GRM4: variants seen among roughly 807,000 people sequenced by gnomAD.
GRM4 encodes glutamate metabotropic receptor 4.
In GRM4, 28 loss-of-function variants were observed where a neutral mutation model predicts 81.7. The ratio of observed to expected loss-of-function variants is 0.34; its 90% CI spans 0.25 to 0.47. The LOEUF is 0.47. GRM4 is among the 20% of genes least tolerant of loss of function. The pLI is 1.00. For missense variants in GRM4, 948 were observed against 1,290.0 expected, an observed-to-expected ratio of 0.73 and a Z score of 4.06; for synonymous variants, 488 against 528.8, an observed-to-expected ratio of 0.92 and a Z score of 1.06.
chr6:34,144,602 G>A (rs1025013140), intron 1 of GRM4, among the ~76,000 whole-genome samples: 7 of 152,146 alleles, frequency 4.6e-5, no homozygotes, highest in Non-Finnish European at 1.0e-4. Context: ...GGGCGGGCAC[G>A]GGAGCTGGAC....
At position 34,078,580 on chromosome 6, in the gene GRM4, A is replaced by G. The variant is rs1298934979; in HGVS notation, c.736+13303T>C. On this transcript the variant is annotated intron_variant, in intron 3 of 10. Transcript: ENST00000538487. The surrounding 1 kb of genome is among the most constrained non-coding windows in gnomAD (Gnocchi z 4.8). ...CCTGACAAGTGGCCTCTGCTCTCTC[A>G]GCCTGTTTCCTACCTGTGAAATGGG... is the stretch of plus-strand genomic sequence containing the variant. Among the ~76,000 whole-genome samples, 1 of 151,978 alleles carries G rather than the reference A, an allele frequency of 6.6e-6. No individual in the cohort carries two copies. The highest frequency in any genetic ancestry group is 1.9e-4 in the East Asian group (1 of 5,172).
At chr6:34,055,833 T>C (rs1377719020) in intron 6 of GRM4, 2 of 152,262 alleles carry the variant, frequency 1.3e-5, no homozygotes, top group African/African-American at 4.8e-5. Flanking sequence ...TTCTCCCATC[T>C]GTAAAATGGC....
At chr6:34,082,839 A>C (rs1244074549) in intron 3 of GRM4, among the ~76,000 whole-genome samples, 1 of 152,234 alleles carries the variant, frequency 6.6e-6, no homozygotes, top group Non-Finnish European at 1.5e-5. Context: ...TGTTCAGGGC[A>C]GCACAACTCA....
chr6:34,075,190 A>T (rs1383730531), intron 3 of GRM4, among the ~76,000 whole-genome samples: 1 of 152,018 alleles, frequency 6.6e-6, no homozygotes, highest in Admixed American at 6.6e-5. Flanking sequence ...CAAGGCCGGG[A>T]CACTGTGGAG....
At chr6:34,145,094 C>A (rs1451506184) in intron 1 of GRM4, among the ~76,000 whole-genome samples, 2 of 152,082 alleles carry the variant, frequency 1.3e-5, no homozygotes, top group Non-Finnish European at 2.9e-5. Context: ...TCACCGCGCG[C>A]CAGCAAGGTT....
chr6:34,093,605 G>T (rs1768356250), intron 2 of GRM4, among the ~76,000 whole-genome samples: 1 of 152,146 alleles, frequency 6.6e-6, no homozygotes, highest in African/African-American at 2.4e-5. Flanking sequence ...CCTAGCAAGG[G>T]GTCTGTGTGG....
intron 6 of GRM4, among the ~76,000 whole-genome samples, chr6:34,046,752 A>G (rs887487534): frequency 5.9e-5 from 9 of 152,180 alleles, no homozygotes; most frequent in Non-Finnish European, 1.3e-4. Context: ...GCAGTCAAGC[A>G]TCGATCCATG....
At position 34,070,301 on chromosome 6, in the gene GRM4, G is replaced by A. The variant is rs1007536530; in HGVS notation, c.737-8273C>T. ...GGTGGGTACCCACGTGCACCTGGACGTCTCCCTCCGTCCTGCCTTCTGCTG... is the reference window on the plus strand; with the variant it reads ...GGTGGGTACCCACGTGCACCTGGACATCTCCCTCCGTCCTGCCTTCTGCTG... On this transcript the variant is annotated intron_variant, in intron 3 of 10. Coordinates refer to ENST00000538487, the MANE Select transcript of GRM4 (RefSeq NM_000841.4). This position sits in a 1 kb window ranked among gnomAD's most constrained non-coding sequence, Gnocchi z 4.6. Among the ~76,000 whole-genome samples, 24 of 152,128 alleles carry A rather than the reference G, an allele frequency of 1.6e-4. No individual in the cohort carries two copies. Among genetic ancestry groups the A allele is most frequent in the South Asian group, 2.1e-4 (1 of 4,824 alleles).
chr6:34,045,606 T>C (rs1461678818), intron 6 of GRM4, among the ~76,000 whole-genome samples: 1 of 152,178 alleles, frequency 6.6e-6, no homozygotes, highest in Non-Finnish European at 1.5e-5. Flanking sequence ...CCTTCCCCAC[T>C]GTCCTGCGAC....
intron 8 of GRM4, among the ~76,000 whole-genome samples, 199 bp downstream of exon 8, chr6:34,039,979 G>C (rs556741223): frequency 4.6e-5 from 7 of 152,218 alleles, no homozygotes; most frequent in Non-Finnish European, 8.8e-5. Context: ...GCAGAACTCC[G>C]ACTGCCCTGT....
At chr6:34,138,014 C>T (rs1213597866) in intron 1 of GRM4, among the ~76,000 whole-genome samples, 2 of 152,128 alleles carry the variant, frequency 1.3e-5, no homozygotes, top group East Asian at 1.9e-4. Context: ...CAACCGGATC[C>T]GAAGAGAACT....
intron 2 of GRM4, among the ~76,000 whole-genome samples, chr6:34,132,762 C>G (rs1770294357): frequency 6.6e-6 from 1 of 152,240 alleles, no homozygotes; most frequent in Non-Finnish European, 1.5e-5. Flanking sequence ...CGATGCCTTT[C>G]ATCTGCTGTG....
At chr6:34,081,565 C>T (rs1448622173) in intron 3 of GRM4, among the ~76,000 whole-genome samples, 1 of 152,186 alleles carries the variant, frequency 6.6e-6, no homozygotes, top group Admixed American at 6.5e-5. Context: ...GCACACAGTC[C>T]CTTTTTGGTC....
Position 34,074,535 on chromosome 6 carries a change from G to A in GRM4, c.737-12507C>T, listed in dbSNP as rs147553571. The stretch of plus-strand genomic sequence containing the variant: ...TCAGAGCTGAGCCCTGCCGTCCCCT[G>A]CCAGGAGAGGAGGCTGCTGGGCGGC... On this transcript the variant is annotated intron_variant, in intron 3 of 10. Transcript: ENST00000538487. This position sits in a 1 kb window ranked among gnomAD's most constrained non-coding sequence, Gnocchi z 4.9. 0.037 allele frequency among the ~76,000 whole-genome samples: 5,172 copies of A among 139,728 alleles called. 230 individuals carry two copies. Among genetic ancestry groups the A allele is most frequent in the African/African-American group, 0.12 (3,879 of 33,672 alleles). 91.7% of individuals were successfully genotyped at this position (139,728 alleles called of 152,430 possible). A position where few individuals can be genotyped will look rare whatever the true frequency, so the allele number is the denominator to read the frequency against.
intron 3 of GRM4, among the ~76,000 whole-genome samples, chr6:34,087,405 C>T (rs1305938021): frequency 6.2e-5 from 9 of 145,058 alleles, no homozygotes; most frequent in Admixed American, 2.1e-4. Context: ...GGTGACAGAG[C>T]GAGACTCCAT....
At chr6:34,102,103 G>A in intron 2 of GRM4, 1 of 1,535,510 alleles carries the variant, frequency 6.5e-7, no homozygotes, top group Non-Finnish European at 8.7e-7. Flanking sequence ...GAAATAGCTT[G>A]GGAAGAGTTT....
chr6:34,111,891 C>T lies in GRM4; in HGVS notation c.520-19792G>A, dbSNP rs963983156. ...GGGGAGTGTGGCCAGACCAGACGCA[C>T]CCCCACCTGTTCCATTTCCTGATTG... On this transcript the variant is annotated intron_variant, in intron 2 of 10. Coordinates refer to ENST00000538487, the MANE Select transcript of GRM4 (RefSeq NM_000841.4). The surrounding 1 kb of genome is among the most constrained non-coding windows in gnomAD (Gnocchi z 5.1). Among the ~76,000 whole-genome samples, 1 of 152,092 alleles carries T rather than the reference C, an allele frequency of 6.6e-6. No homozygotes were observed. Among genetic ancestry groups the T allele is most frequent in the African/African-American group, 2.4e-5 (1 of 41,404 alleles).
intron 2 of GRM4, among the ~76,000 whole-genome samples, chr6:34,117,857 T>C (rs899462889): frequency 2.6e-5 from 4 of 152,140 alleles, no homozygotes; most frequent in Non-Finnish European, 5.9e-5. Flanking sequence ...TGGAAATACA[T>C]AGATGCAGCC....
chr6:34,077,167 A>G (rs1488932906), intron 3 of GRM4, among the ~76,000 whole-genome samples: 1 of 152,128 alleles, frequency 6.6e-6, no homozygotes, highest in African/African-American at 2.4e-5. Context: ...AGTGCCCCAC[A>G]TATTTCCCCA....
Sources: allele counts gnomAD v4.1 joint callset (sites outside exome capture counted in the v4.1 genomes callset), GRCh38; gene constraint gnomAD v4.1.1; non-coding constraint Gnocchi (gnomAD v3.1); transcripts MANE v1.5; gene names NCBI Gene and HGNC (gene_info 2026-07-23, HGNC 2026-07-21).